DOCK3: variants seen among roughly 807,000 people sequenced by gnomAD.
DOCK3 encodes dedicator of cytokinesis 3, also known as dedicator of cytokinesis protein 3.
DOCK3 carries 60 observed loss-of-function variants against 265.6 expected under a neutral mutation model. That is an observed-to-expected ratio of 0.23 (90% CI 0.18 to 0.28). DOCK3 has a LOEUF of 0.28. Among genes scored for constraint, DOCK3 ranks in the 10% least tolerant of loss-of-function variants. DOCK3 has a pLI of 1.00. For synonymous variants in DOCK3, 881 were observed against 938.0 expected, an observed-to-expected ratio of 0.94 and a Z score of 1.11; for missense variants, 1,981 against 2,594.3, an observed-to-expected ratio of 0.76 and a Z score of 5.14.
chr3:50,855,374 G>A (rs926472846), intron 3 of DOCK3, among the ~76,000 whole-genome samples: 2 of 143,908 alleles, frequency 1.4e-5, no homozygotes, highest in Non-Finnish European at 1.5e-5. Flanking sequence ...GTATTGTATT[G>A]TATTATGTTG....
chr3:50,806,048 A>G (rs1430411481), intron 2 of DOCK3, among the ~76,000 whole-genome samples: 2 of 151,866 alleles, frequency 1.3e-5, no homozygotes, highest in East Asian at 3.9e-4. Flanking sequence ...GGTGGCCCAC[A>G]GGGCTGTTTC....
intron 5 of DOCK3, among the ~76,000 whole-genome samples, chr3:50,974,465 T>C (rs1383375894): frequency 2.5e-4 from 37 of 146,378 alleles, no homozygotes; most frequent in Middle Eastern, 7.1e-3. Context: ...TGCAGCGTTA[T>C]TTCTGAGGGC....
chr3:51,169,821 A>C (rs1372614109), intron 12 of DOCK3, among the ~76,000 whole-genome samples: 1 of 151,690 alleles, frequency 6.6e-6, no homozygotes, highest in South Asian at 2.1e-4. Flanking sequence ...TTATTGATTC[A>C]TGTATGTTTA....
chr3:51,045,646 C>A (rs538223745), intron 5 of DOCK3, among the ~76,000 whole-genome samples: 1 of 152,158 alleles, frequency 6.6e-6, no homozygotes, highest in East Asian at 1.9e-4. Flanking sequence ...TTTAGTAGGG[C>A]AGGTCTATTT....
chr3:50,764,960 G>A lies in DOCK3; in HGVS notation c.38-13715G>A, dbSNP rs185316501. On this transcript the variant is annotated intron_variant, in intron 1 of 52. Coordinates refer to ENST00000266037, the MANE Select transcript of DOCK3 (RefSeq NM_004947.5). The stretch of plus-strand genomic sequence containing the variant: ...TGTTTTTAGTAGTGGTGGGATTTCA[G>A]TATGTTGGCCAGGCTGATCTCAAAA... Among the ~76,000 whole-genome samples the A allele has an allele frequency of 2.9e-4, 43 of 150,800 alleles. No individual in the cohort carries two copies. The East Asian group carries it at 8.2e-3, about 29-fold the overall frequency.
intron 3 of DOCK3, among the ~76,000 whole-genome samples, chr3:50,848,092 T>A (rs1011889860): frequency 6.6e-6 from 1 of 152,028 alleles, no homozygotes; most frequent in Non-Finnish European, 1.5e-5. Context: ...TTAAAGTCTC[T>A]TTTATCTGAT....
At chr3:51,244,725 A>AGT (rs2078749657) in intron 21 of DOCK3, among the ~76,000 whole-genome samples, 1 of 152,218 alleles carries the variant, frequency 6.6e-6, no homozygotes, top group African/African-American at 2.4e-5. Context: ...GTTGAATAAA[A>AGT]GTGTCAAAAG....
At chr3:50,986,656 C>G (rs1440559512) in intron 5 of DOCK3, among the ~76,000 whole-genome samples, 1 of 151,956 alleles carries the variant, frequency 6.6e-6, no homozygotes, top group South Asian at 2.1e-4. Context: ...AACATTATAC[C>G]GAATCTTTTA....
rs867798910 is a variant in DOCK3 at position 51,249,403 on chromosome 3, C to T, written c.2184+2596C>T. ...GGGGTTAGCCCCCCGCCCGGCCAGCCGCCCCGTCCGGGAGGTGAGGGGCGC... is the reference window on the plus strand; with the variant it reads ...GGGGTTAGCCCCCCGCCCGGCCAGCTGCCCCGTCCGGGAGGTGAGGGGCGC... On this transcript the variant is annotated intron_variant, in intron 22 of 52. Transcript: ENST00000266037. Among the ~76,000 whole-genome samples the T allele has an allele frequency of 1.2e-3, 165 of 138,692 alleles. 1 individual carries two copies. Among genetic ancestry groups the T allele is most frequent in the Non-Finnish European group, 1.7e-3 (109 of 62,644 alleles). The allele number at this position is 138,692 out of a possible 152,430, so 91.0% of individuals were successfully genotyped here.
intron 44 of DOCK3, among the ~76,000 whole-genome samples, chr3:51,357,431 G>A (rs1016385664): frequency 7.9e-5 from 12 of 152,288 alleles, no homozygotes; most frequent in Non-Finnish European, 1.3e-4. Context: ...AGCCCAGCCC[G>A]TCAGGAGAAG....
At chr3:51,087,270 C>CA (rs1469518809) in intron 7 of DOCK3, among the ~76,000 whole-genome samples, 1 of 152,090 alleles carries the variant, frequency 6.6e-6, no homozygotes, top group Non-Finnish European at 1.5e-5. Flanking sequence ...AACAACATGT[C>CA]AAAAAGATTA....
chr3:50,970,925 AT>A (rs1340419223), intron 5 of DOCK3, among the ~76,000 whole-genome samples: 14 of 69,102 alleles, frequency 2.0e-4, no homozygotes, highest in East Asian at 1.4e-3. Flanking sequence ...ATATATATAT[AT>A]ATATATATAT....
At chr3:50,698,541 T>TTTTTTTTTTTTTTTTTTTTTTTTTTC (rs2035819295) in intron 1 of DOCK3, among the ~76,000 whole-genome samples, 1 of 131,078 alleles carries the variant, frequency 7.6e-6, no homozygotes, top group Non-Finnish European at 1.6e-5. Flanking sequence ...TTTTTTTTTT[T>TTTTTTTTTTTTTTTTTTTTTTTTTTC]TGCTATATAC....
intron 1 of DOCK3, among the ~76,000 whole-genome samples, chr3:50,763,535 G>A (rs547340326): frequency 2.6e-5 from 4 of 152,074 alleles, no homozygotes; most frequent in South Asian, 2.1e-4. Flanking sequence ...CACCTGCTGC[G>A]GCCCCCCAAA....
chr3:51,285,062 G>C (rs542376969), intron 27 of DOCK3, among the ~76,000 whole-genome samples: 11 of 152,158 alleles, frequency 7.2e-5, no homozygotes, highest in Non-Finnish European at 1.5e-4. Context: ...CAAGAGTCTG[G>C]CTCCTAAGTT....
In DOCK3 at chr3:51,055,904, A is replaced by G. The variant is rs2081184406; in HGVS notation, c.316-8544A>G. 1.3e-5 allele frequency among the ~76,000 whole-genome samples: 2 copies of G among 152,218 alleles called. 1 individual carries two copies. The highest frequency in any genetic ancestry group is 2.9e-5 in the Non-Finnish European group (2 of 68,046). ...AGCTATAATGCTATTTGTTATTTGG[A>G]ATATCAACTCTATAATGGAGGATGT... On this transcript the variant is annotated intron_variant, in intron 5 of 52. Coordinates refer to ENST00000266037, the MANE Select transcript of DOCK3 (RefSeq NM_004947.5).
At chr3:50,713,860 C>T (rs2107943642) in intron 1 of DOCK3, among the ~76,000 whole-genome samples, 1 of 152,230 alleles carries the variant, frequency 6.6e-6, no homozygotes, top group South Asian at 2.1e-4. Context: ...TTTGCAAGTC[C>T]ATATTCAGTT....
intron 3 of DOCK3, among the ~76,000 whole-genome samples, chr3:50,860,367 A>C (rs1290061964): frequency 2.0e-5 from 3 of 152,240 alleles, no homozygotes; most frequent in African/African-American, 7.2e-5. Context: ...TACTGGCTTG[A>C]TAGTTCTGGC....
chr3:50,811,967 A>T (rs2043785898), intron 2 of DOCK3, among the ~76,000 whole-genome samples: 1 of 152,230 alleles, frequency 6.6e-6, no homozygotes, highest in Admixed American at 6.5e-5. Flanking sequence ...GAGAGGGTGG[A>T]CAAGCAAGAA....
Sources: gnomAD v4.1 joint callset for allele counts (sites outside exome capture counted in the v4.1 genomes callset) on GRCh38, gnomAD v4.1.1 for gene constraint, MANE v1.5 for transcripts, NCBI Gene and HGNC (gene_info 2026-07-23, HGNC 2026-07-21) for gene names.